Variants in SH3TC2 observed in about 807,000 individuals in gnomAD.
SH3TC2 encodes the protein SH3 domain and tetratricopeptide repeat-containing protein 2.
Under a neutral mutation model 124.5 loss-of-function variants are expected in SH3TC2, and 87 were observed. The ratio of observed to expected loss-of-function variants is 0.70; its 90% CI spans 0.59 to 0.84. The LOEUF (loss-of-function observed/expected upper bound fraction) is 0.84, where lower values mean the gene tolerates loss of function less well. Among genes scored for constraint, SH3TC2 ranks in the 40% least tolerant of loss-of-function variants. The pLI, the probability that SH3TC2 is intolerant of heterozygous loss-of-function variation, is 0.00. For missense variants in SH3TC2, 1,536 were observed against 1,566.4 expected (o/e 0.98, Z 0.33); for synonymous variants, 634 against 628.5 (o/e 1.01, Z -0.13).
rs548738751 is a variant in SH3TC2 at position 148,997,832 on chromosome 5, A to G, written c.*6879T>C. Among the ~76,000 whole-genome samples the G allele has an allele frequency of 6.6e-6, 1 of 152,348 alleles. No homozygotes were observed. Among genetic ancestry groups the G allele is most frequent in the East Asian group, 1.9e-4 (1 of 5,190 alleles). On this transcript the variant is annotated 3_prime_UTR_variant, in exon 17 of 17. Transcript: ENST00000515425. The stretch of plus-strand genomic sequence containing the variant: ...AGATAAAAATAATAGTAACTACACC[A>G]AAATGTTGTGTGATTACATGAGAGT...
At chr5:149,005,755 G>C (rs1322905877) in intron 16 of SH3TC2, among the ~76,000 whole-genome samples, 1 of 152,176 alleles carries the variant, frequency 6.6e-6, no homozygotes, top group Non-Finnish European at 1.5e-5. Flanking sequence ...GCAAAGCCTG[G>C]CAAATAAGAA....
At position 149,004,486 on chromosome 5, in the gene SH3TC2, G is replaced by C; in HGVS notation, c.*225C>G. 1.8e-6 allele frequency: 1 copy of C among 570,912 alleles called. No homozygotes were observed. The highest frequency in any genetic ancestry group is 3.1e-6 in the Non-Finnish European group (1 of 322,644). 35.4% of individuals were successfully genotyped at this position (570,912 alleles called of 1,614,324 possible). On this transcript the variant is annotated 3_prime_UTR_variant, in exon 17 of 17. Transcript: ENST00000515425. ...TGGAAGGCAACAGTCAACCGGTAAAGGCTCCAGATGCAAAGCCTGGAACCA... is the reference window on the plus strand; with the variant it reads ...TGGAAGGCAACAGTCAACCGGTAAACGCTCCAGATGCAAAGCCTGGAACCA...
intron 8 of SH3TC2, among the ~76,000 whole-genome samples, chr5:149,032,299 G>C (rs1404102339): frequency 6.6e-6 from 1 of 152,180 alleles, no homozygotes; most frequent in Non-Finnish European, 1.5e-5. Context: ...TAGGGGAGCT[G>C]AAAGAAATCA....
intron 5 of SH3TC2, 112 bp from the exon 6 acceptor site, chr5:149,041,729 G>T: frequency 8.4e-7 from 1 of 1,190,360 alleles, no homozygotes. Flanking sequence ...CTTCCTGGAA[G>T]TAAAGTAGAC....
chr5:149,039,503 G>A (rs1754334245), intron 7 of SH3TC2, among the ~76,000 whole-genome samples: 1 of 152,068 alleles, frequency 6.6e-6, no homozygotes, highest in South Asian at 2.1e-4. Context: ...TATTTTTTCT[G>A]ACATTTTTGG....
intron 7 of SH3TC2, among the ~76,000 whole-genome samples, chr5:149,039,980 A>G (rs1754341224): frequency 6.6e-6 from 1 of 152,170 alleles, no homozygotes; most frequent in Admixed American, 6.5e-5. Context: ...TCTAAAGATG[A>G]AGATGAACAG....
intron 2 of SH3TC2, among the ~76,000 whole-genome samples, chr5:149,048,474 T>C (rs1344350460): frequency 6.6e-6 from 1 of 152,154 alleles, no homozygotes; most frequent in Non-Finnish European, 1.5e-5. Flanking sequence ...ACATTACACA[T>C]AAACACATTT....
intron 2 of SH3TC2, 53 bp from the exon 3 acceptor site, chr5:149,048,042 G>A: frequency 1.9e-6 from 3 of 1,609,450 alleles, no homozygotes; most frequent in South Asian, 1.1e-5. Flanking sequence ...TAAAAAGGAA[G>A]AAAGAGTTAG....
chr5:149,056,322 T>C (rs1345011884), intron 1 of SH3TC2, among the ~76,000 whole-genome samples: 1 of 152,162 alleles, frequency 6.6e-6, no homozygotes, highest in Non-Finnish European at 1.5e-5. Flanking sequence ...GTTTATAAGT[T>C]CTTATCATTT....
chr5:149,006,652 G>GGT (rs1753693395), intron 16 of SH3TC2, among the ~76,000 whole-genome samples: 1 of 152,132 alleles, frequency 6.6e-6, no homozygotes. Context: ...GAGGAACCAT[G>GGT]GTCTACTCCT....
At chr5:149,062,652 G>A (rs1454950230) in intron 1 of SH3TC2, among the ~76,000 whole-genome samples, 2 of 152,174 alleles carry the variant, frequency 1.3e-5, no homozygotes, top group African/African-American at 4.8e-5. Context: ...TCCTGTCCTG[G>A]GGGGATCTCG....
chr5:149,047,693 C>G, intron 3 of SH3TC2, 169 bp downstream of exon 3: 1 of 916,978 alleles, frequency 1.1e-6, no homozygotes, highest in East Asian at 2.8e-5. Context: ...CCACTCCTCT[C>G]CACTCCTGTG....
Position 149,028,496 on chromosome 5 carries a change from C to T in SH3TC2, c.1236G>A (p.Gln412=), listed in dbSNP as rs1440307658. ...TGCTGGACTGTCTGGACCCCACGGC[C>T]TGATGCTCCTCCCAGGCTCTGCCAG... ...VRPGRAWEEH[Q]AVGSRQSSSS... Residue 412 remains glutamine, a synonymous_variant, in exon 11 of 17, where the codon CAG becomes CAA. Transcript: ENST00000515425. 2 of 1,613,522 alleles carry T rather than the reference C, an allele frequency of 1.2e-6. No individual in the cohort carries two copies. Among genetic ancestry groups the T allele is most frequent in the South Asian group, 2.2e-5 (2 of 91,054 alleles).
chr5:149,012,784 G>C, intron 12 of SH3TC2, 50 bp from the exon 13 acceptor site: 8 of 1,604,632 alleles, frequency 5.0e-6, no homozygotes, highest in Non-Finnish European at 6.8e-6. Context: ...AGGGGCCTTA[G>C]GGTCCACTCA....
intron 12 of SH3TC2, among the ~76,000 whole-genome samples, chr5:149,016,691 C>T (rs573077035): frequency 8.5e-5 from 13 of 152,134 alleles, no homozygotes; most frequent in Non-Finnish European, 8.8e-5. Context: ...TTTGGAAGGC[C>T]GAGGCGGGCG....
chr5:149,056,302 T>C (rs1344108901), intron 1 of SH3TC2, among the ~76,000 whole-genome samples: 3 of 152,126 alleles, frequency 2.0e-5, no homozygotes, highest in South Asian at 4.1e-4. Context: ...TCTGTTGTTT[T>C]CCTCTTTGTG....
rs1753472228 is a variant in SH3TC2 at position 148,994,542 on chromosome 5, T to A, written c.*10169A>T. ...TGTGAGTTTAGCACATGAGAGGTGT[T>A]GAATATTGGTTAGTTGGTTGTTTCA... On this transcript the variant is annotated 3_prime_UTR_variant, in exon 17 of 17. Coordinates refer to ENST00000515425, the MANE Select transcript of SH3TC2 (RefSeq NM_024577.4). 6.6e-6 allele frequency among the ~76,000 whole-genome samples: 1 copy of A among 152,082 alleles called. No individual in the cohort carries two copies. The highest frequency in any genetic ancestry group is 2.4e-5 in the African/African-American group (1 of 41,404).
chr5:149,013,904 G>T (rs547635929), intron 12 of SH3TC2, among the ~76,000 whole-genome samples: 1 of 152,298 alleles, frequency 6.6e-6, no homozygotes, highest in Non-Finnish European at 1.5e-5. Flanking sequence ...ATGATAGCCT[G>T]AGCACCAGGG....
rs1580876696 is a variant in SH3TC2 at position 148,988,710 on chromosome 5, C to A, written c.*16001G>T. On this transcript the variant is annotated 3_prime_UTR_variant, in exon 17 of 17. Coordinates refer to ENST00000515425, the MANE Select transcript of SH3TC2 (RefSeq NM_024577.4). ...TCCAGCTCTGGCCACTATTGGACTG[C>A]AACAACAGTAGAGAACCCAAGCGAG... 6.6e-6 allele frequency among the ~76,000 whole-genome samples: 1 copy of A among 152,228 alleles called. No individual in the cohort carries two copies. The highest frequency in any genetic ancestry group is 1.9e-4 in the East Asian group (1 of 5,200).
Sources: allele counts gnomAD v4.1 joint callset (sites outside exome capture counted in the v4.1 genomes callset), GRCh38; gene constraint gnomAD v4.1.1; transcripts MANE v1.5; gene names NCBI Gene and HGNC (gene_info 2026-07-23, HGNC 2026-07-21).